PXDNL: variants seen among roughly 807,000 people sequenced by gnomAD.
The protein encoded by PXDNL is probable oxidoreductase PXDNL.
PXDNL carries 145 observed loss-of-function variants against 150.8 expected under a neutral mutation model. That is an observed-to-expected ratio of 0.96 (90% confidence interval 0.84 to 1.10). PXDNL has a LOEUF of 1.10. Ranked by LOEUF, PXDNL falls within the 50% of genes least tolerant of loss-of-function variation. The probability of loss-of-function intolerance (pLI) is 0.00; values close to 1 mark genes in which losing one functional copy is unlikely to be tolerated. For missense variants in PXDNL, 2,087 were observed against 1,873.9 expected (o/e 1.11, Z -2.10); for synonymous variants, 757 against 725.7 (o/e 1.04, Z -0.69).
At chr8:51,396,442 C>A (rs1274021213) in intron 17 of PXDNL, among the ~76,000 whole-genome samples, 2 of 152,216 alleles carry the variant, frequency 1.3e-5, no homozygotes, top group African/African-American at 2.4e-5. Flanking sequence ...CCTGGCTGCA[C>A]AGAAACATCA....
At chr8:51,550,314 G>C (rs923171697) in intron 4 of PXDNL, among the ~76,000 whole-genome samples, 2 of 152,028 alleles carry the variant, frequency 1.3e-5, no homozygotes. Flanking sequence ...AAGAAAGAGG[G>C]AATCCTCCGT....
intron 17 of PXDNL, among the ~76,000 whole-genome samples, chr8:51,382,755 G>GAAA (rs1229389414): frequency 6.6e-6 from 1 of 151,996 alleles, no homozygotes; most frequent in African/African-American, 2.4e-5. Context: ...CAGAATATGA[G>GAAA]AAATAATAAT....
chr8:51,685,721 A>C (rs1412222153), intron 1 of PXDNL, among the ~76,000 whole-genome samples: 1 of 152,206 alleles, frequency 6.6e-6, no homozygotes, highest in Non-Finnish European at 1.5e-5. Context: ...CTTCCTCTTG[A>C]AGTCTCAGAA....
chr8:51,627,853 A>G (rs1487125430), intron 2 of PXDNL, among the ~76,000 whole-genome samples: 1 of 152,168 alleles, frequency 6.6e-6, no homozygotes, highest in Non-Finnish European at 1.5e-5. Context: ...GAGAATTCTC[A>G]AAGTATTTGT....
At chr8:51,799,851 C>A (rs1246635267) in intron 1 of PXDNL, among the ~76,000 whole-genome samples, 1 of 152,142 alleles carries the variant, frequency 6.6e-6, no homozygotes, top group East Asian at 1.9e-4. Flanking sequence ...TTTCTCCCTA[C>A]CCATGCCCAA....
intron 12 of PXDNL, among the ~76,000 whole-genome samples, chr8:51,429,382 C>T (rs1254519228): frequency 6.6e-6 from 1 of 152,154 alleles, no homozygotes; most frequent in Non-Finnish European, 1.5e-5. Context: ...GAGTTTGAAA[C>T]TAGCCTGGCC....
rs185580954 is a variant in PXDNL, at chr8:51,653,623, T to A, written c.236+1066A>T. On this transcript the variant is annotated intron_variant, in intron 2 of 22. Transcript: ENST00000356297. The stretch of plus-strand genomic sequence containing the variant: ...GTCCTTACTTTCTTATGTTCTTACA[T>A]CATCCCAAACAGAGATACTGTGATA... 2.6e-5 allele frequency among the ~76,000 whole-genome samples: 4 copies of A among 152,308 alleles called. No individual in the cohort carries two copies. The East Asian group carries it at 7.7e-4, about 29-fold the overall frequency.
At chr8:51,625,343 CT>C (rs1443877319) in intron 2 of PXDNL, among the ~76,000 whole-genome samples, 1 of 152,170 alleles carries the variant, frequency 6.6e-6, no homozygotes, top group Non-Finnish European at 1.5e-5. Context: ...CGTAGCGCCC[CT>C]GTGACTTCTA....
At chr8:51,398,359 G>A (rs1808152021) in intron 17 of PXDNL, among the ~76,000 whole-genome samples, 1 of 152,170 alleles carries the variant, frequency 6.6e-6, no homozygotes, top group Non-Finnish European at 1.5e-5. Context: ...ATTTACCTTG[G>A]GGCCCCCCAC....
chr8:51,581,940 C>A (rs1397206661), intron 3 of PXDNL, among the ~76,000 whole-genome samples: 1 of 151,950 alleles, frequency 6.6e-6, no homozygotes, highest in Non-Finnish European at 1.5e-5. Flanking sequence ...TCTTTTTTTA[C>A]CTGTCACAGA....
chr8:51,363,991 A>G (rs1586036554), intron 19 of PXDNL, among the ~76,000 whole-genome samples: 1 of 152,196 alleles, frequency 6.6e-6, no homozygotes, highest in African/African-American at 2.4e-5. Context: ...TTGTTTTGGT[A>G]AAAGGTATTG....
intron 4 of PXDNL, among the ~76,000 whole-genome samples, chr8:51,534,122 A>G (rs1316686392): frequency 7.7e-6 from 1 of 129,842 alleles, no homozygotes; most frequent in Non-Finnish European, 1.6e-5. Flanking sequence ...TGTGGGGAGC[A>G]CCTCTGCCCC....
chr8:51,435,993 G>A (rs554254054), intron 12 of PXDNL: 4 of 526,074 alleles, frequency 7.6e-6, no homozygotes, highest in South Asian at 4.2e-5. Context: ...TCTTTATGTA[G>A]CTTTCAAATT....
chr8:51,651,249 G>A (rs1037476417), intron 2 of PXDNL, among the ~76,000 whole-genome samples: 3 of 152,148 alleles, frequency 2.0e-5, no homozygotes, highest in East Asian at 1.9e-4. Flanking sequence ...ATTTGGAAGC[G>A]ATTCGGCCAA....
intron 17 of PXDNL, among the ~76,000 whole-genome samples, chr8:51,404,228 T>C (rs1456161574): frequency 6.6e-6 from 1 of 152,200 alleles, no homozygotes; most frequent in Non-Finnish European, 1.5e-5. Context: ...TTCCACACTG[T>C]CGAAAGAGAC....
chr8:51,705,807 CTG>C (rs71550283), intron 1 of PXDNL, among the ~76,000 whole-genome samples: 38 of 143,394 alleles, frequency 2.7e-4, no homozygotes, highest in Middle Eastern at 3.4e-3. Context: ...GGTGAAAACA[CTG>C]TGTGTGTGTG....
chr8:51,692,855 C>T (rs971218288), intron 1 of PXDNL, among the ~76,000 whole-genome samples: 2 of 152,240 alleles, frequency 1.3e-5, no homozygotes, highest in African/African-American at 4.8e-5. Flanking sequence ...CATGCCCTAG[C>T]AGAGTTACGT....
At chr8:51,334,179 T>C (rs952821141) in intron 21 of PXDNL, among the ~76,000 whole-genome samples, 1 of 115,182 alleles carries the variant, frequency 8.7e-6, no homozygotes, top group African/African-American at 3.3e-5. Flanking sequence ...CTCAAAACCA[T>C]GGAAATACAT....
chr8:51,391,956 T>C (rs1206323138), intron 17 of PXDNL, among the ~76,000 whole-genome samples: 1 of 152,250 alleles, frequency 6.6e-6, no homozygotes, highest in African/African-American at 2.4e-5. Context: ...TTTCTACATA[T>C]GACTAGCCAG....
Sources: gnomAD v4.1 joint callset for allele counts (sites outside exome capture counted in the v4.1 genomes callset) on GRCh38, gnomAD v4.1.1 for gene constraint, MANE v1.5 for transcripts, NCBI Gene and HGNC (gene_info 2026-07-23, HGNC 2026-07-21) for gene names.